Variants in OSBPL9 observed in about 807,000 individuals in gnomAD.
OSBPL9 encodes oxysterol binding protein like 9.
In OSBPL9, 40 loss-of-function variants were observed where a neutral mutation model predicts 106.6. That is an observed-to-expected ratio of 0.38 (90% CI 0.29 to 0.49). OSBPL9 has a LOEUF of 0.49. Ranked by LOEUF, OSBPL9 falls within the 20% of genes least tolerant of loss-of-function variation. The pLI is 0.97. For synonymous variants in OSBPL9, 269 were observed against 295.4 expected (o/e 0.91, Z 0.92); for missense variants, 609 against 887.2 (o/e 0.69, Z 3.98).
chr1:51,574,617 T>G (rs1291089065), upstream of OSBPL9, among the ~76,000 whole-genome samples: 1 of 150,984 alleles, frequency 6.6e-6, no homozygotes, highest in Non-Finnish European at 1.5e-5. Flanking sequence ...AGACTCTGTA[T>G]CAAAAAAAAA....
chr1:51,740,121 C>T, intron 4 of OSBPL9: 1 of 1,549,118 alleles, frequency 6.5e-7, no homozygotes, highest in Non-Finnish European at 8.7e-7. Flanking sequence ...TCTATTCTCT[C>T]TTTTCCTTAC....
chr1:51,581,928 C>T (rs188476642), intron 1 of OSBPL9, among the ~76,000 whole-genome samples: 16 of 152,250 alleles, frequency 1.1e-4, no homozygotes, highest in East Asian at 3.9e-4. Context: ...TAGAACTATA[C>T]GACGCTCAAG....
chr1:51,580,891 A>G (rs1207763842), intron 1 of OSBPL9, among the ~76,000 whole-genome samples: 2 of 79,944 alleles, frequency 2.5e-5, no homozygotes, highest in Non-Finnish European at 2.4e-5. Context: ...CCTTCTAGCC[A>G]TTATATATAT....
At chr1:51,716,297 C>T (rs1438459237) in intron 4 of OSBPL9, among the ~76,000 whole-genome samples, 3 of 152,314 alleles carry the variant, frequency 2.0e-5, no homozygotes, top group South Asian at 4.1e-4. Flanking sequence ...TAAAGAACTT[C>T]ACTCTAGAGC....
intron 1 of OSBPL9, among the ~76,000 whole-genome samples, chr1:51,633,201 C>G (rs1222524451): frequency 6.6e-6 from 1 of 151,766 alleles, no homozygotes; most frequent in Non-Finnish European, 1.5e-5. Context: ...TCAGGCGATC[C>G]ACCCGCCTTG....
In OSBPL9 at chr1:51,672,476, C is replaced by G. The variant is rs187052475; in HGVS notation, c.241+2964C>G. On this transcript the variant is annotated intron_variant, in intron 3 of 23. Transcript: ENST00000428468. ...TCACTCCAAAAGATTCCTTTATGCT[C>G]CTGTCAGTCAGTCCCCAGCCCCAGC... 1.5e-3 allele frequency among the ~76,000 whole-genome samples: 226 copies of G among 152,268 alleles called. 1 individual carries two copies. The highest frequency in any genetic ancestry group is 3.4e-3 in the Middle Eastern group (1 of 294).
the OSBPL9 span, among the ~76,000 whole-genome samples, chr1:51,565,301 C>T: frequency 6.6e-6 from 1 of 152,192 alleles, no homozygotes; most frequent in Admixed American, 6.5e-5. Flanking sequence ...CACCTTGAAC[C>T]TTATGTTCCC....
the OSBPL9 span, among the ~76,000 whole-genome samples, chr1:51,522,906 C>A: frequency 6.6e-6 from 1 of 152,038 alleles, no homozygotes; most frequent in African/African-American, 2.4e-5. Flanking sequence ...TAACTCTCTA[C>A]CCTTCAGGCA....
In OSBPL9 at chr1:51,779,147, G is replaced by A. The variant is rs143879380; in HGVS notation, c.1257-2017G>A. 5.9e-3 allele frequency among the ~76,000 whole-genome samples: 904 copies of A among 152,206 alleles called. 4 individuals carry two copies. Among genetic ancestry groups the A allele is most frequent in the Middle Eastern group, 0.017 (5 of 294 alleles). ...ATATTCTGTTTTTTGATTAAGTGAC[G>A]ATTAATTAAATAGATATATACGTTT... On this transcript the variant is annotated intron_variant, in intron 15 of 23. Coordinates refer to ENST00000428468, the MANE Select transcript of OSBPL9 (RefSeq NM_024586.6).
At chr1:51,656,552 C>T (rs988812553) in intron 2 of OSBPL9, among the ~76,000 whole-genome samples, 2 of 151,952 alleles carry the variant, frequency 1.3e-5, no homozygotes, top group African/African-American at 4.8e-5. Context: ...CAAATGTTAC[C>T]TCATCTGTGA....
chr1:51,770,042 C>T (rs187798148), intron 12 of OSBPL9, among the ~76,000 whole-genome samples: 2 of 152,268 alleles, frequency 1.3e-5, no homozygotes, highest in African/African-American at 4.8e-5. Flanking sequence ...ACGAACACAG[C>T]TCACTATAGC....
intron 1 of OSBPL9, chr1:51,598,114 C>T (rs1181268267): frequency 6.6e-6 from 1 of 152,216 alleles, no homozygotes; most frequent in African/African-American, 2.4e-5. Flanking sequence ...TTGTTTTCCT[C>T]ATTTTACAGA....
chr1:51,668,714 G>T (rs1353384432), intron 2 of OSBPL9, among the ~76,000 whole-genome samples: 1 of 152,158 alleles, frequency 6.6e-6, no homozygotes, highest in East Asian at 1.9e-4. Context: ...TGTAAATTCA[G>T]TTCCCCATTG....
chr1:51,528,963 G>A, the OSBPL9 span, among the ~76,000 whole-genome samples: 4 of 152,062 alleles, frequency 2.6e-5, no homozygotes, highest in Non-Finnish European at 5.9e-5. Context: ...TACAAGATTT[G>A]CAAATAAAAA....
rs187052862 is a variant in OSBPL9, at chr1:51,628,108, A to G, written c.111+10887A>G. Among the ~76,000 whole-genome samples the G allele has an allele frequency of 1.1e-4, 16 of 145,892 alleles. No individual in the cohort carries two copies. In the East Asian group the frequency reaches 3.0e-3, roughly 27 times the overall value. ...TATTGCAGTATTACTCTAAATTTTT[A>G]AAAGAAGAGTCAAACTATAGTGAAA... is the stretch of plus-strand genomic sequence containing the variant. On this transcript the variant is annotated intron_variant, in intron 1 of 23. Coordinates refer to ENST00000428468, the MANE Select transcript of OSBPL9 (RefSeq NM_024586.6).
chr1:51,690,187 A>G (rs1202006042), intron 3 of OSBPL9, among the ~76,000 whole-genome samples: 1 of 152,234 alleles, frequency 6.6e-6, no homozygotes, highest in Non-Finnish European at 1.5e-5. Flanking sequence ...TGTAGGAGCT[A>G]CATTTTTTAG....
chr1:51,770,763 G>T (rs1389301199), intron 12 of OSBPL9, among the ~76,000 whole-genome samples: 1 of 152,048 alleles, frequency 6.6e-6, no homozygotes, highest in African/African-American at 2.4e-5. Flanking sequence ...AGTAACCAGG[G>T]CAAACTAGAA....
intron 1 of OSBPL9, among the ~76,000 whole-genome samples, chr1:51,622,771 C>T (rs144753403): frequency 3.5e-4 from 54 of 152,286 alleles, no homozygotes; most frequent in Non-Finnish European, 7.1e-4. Context: ...CTTTTATGAC[C>T]TAGTCAGAGA....
At chr1:51,712,378 A>C (rs1475655960) in intron 3 of OSBPL9, among the ~76,000 whole-genome samples, 2 of 151,956 alleles carry the variant, frequency 1.3e-5, no homozygotes, top group Non-Finnish European at 2.9e-5. Flanking sequence ...GCTCCACATG[A>C]GAGGGAGACC....
Sources: gnomAD v4.1 joint callset for allele counts (sites outside exome capture counted in the v4.1 genomes callset) on GRCh38, gnomAD v4.1.1 for gene constraint, MANE v1.5 for transcripts, NCBI Gene and HGNC (gene_info 2026-07-23, HGNC 2026-07-21) for gene names.